MRTFA: variants seen among roughly 807,000 people sequenced by gnomAD.
MRTFA encodes the protein myocardin related transcription factor A.
MRTFA carries 20 observed loss-of-function variants against 83.5 expected under a neutral mutation model. The observed-to-expected ratio is 0.24, with a 90% CI of 0.17 to 0.35. The LOEUF (loss-of-function observed/expected upper bound fraction) is 0.35. Among genes scored for constraint, MRTFA ranks in the 10% least tolerant of loss-of-function variants. The pLI, the probability that MRTFA is intolerant of heterozygous loss-of-function variation, is 1.00. For synonymous variants in MRTFA, 659 were observed against 541.2 expected (o/e 1.22, Z -3.02); for missense variants, 1,200 against 1,224.7 (o/e 0.98, Z 0.30).
chr22:40,584,187 T>C (rs1340757873), intron 2 of MRTFA, among the ~76,000 whole-genome samples: 1 of 152,214 alleles, frequency 6.6e-6, no homozygotes, highest in African/African-American at 2.4e-5. Context: ...ATAGAATTTC[T>C]GAATTTTAGG....
In MRTFA at chr22:40,410,552, A is replaced by C; in HGVS notation, c.*838T>G. The C allele has an allele frequency of 4.3e-6, 1 of 233,356 alleles. No individual in the cohort carries two copies. Among genetic ancestry groups the C allele is most frequent in the Non-Finnish European group, 8.5e-6 (1 of 117,816 alleles). The allele number at this position is 233,356 out of a possible 1,614,324, so 14.5% of individuals were successfully genotyped here. ...GTGGAGAGCTCCTGGCAGGAAGGCC[A>C]GGTAGCACCTCTGCCCTCATGGCAC... On this transcript the variant is annotated 3_prime_UTR_variant, in exon 15 of 15. Coordinates refer to ENST00000355630, the MANE Select transcript of MRTFA (RefSeq NM_020831.6).
At chr22:40,502,167 C>A (rs1602347195) in intron 3 of MRTFA, among the ~76,000 whole-genome samples, 1 of 147,196 alleles carries the variant, frequency 6.8e-6, no homozygotes, top group Middle Eastern at 3.3e-3. Flanking sequence ...GCTGACCCCC[C>A]CCACCTCCCT....
At chr22:40,475,648 T>A (rs1401475821) in intron 3 of MRTFA, among the ~76,000 whole-genome samples, 1 of 152,220 alleles carries the variant, frequency 6.6e-6, no homozygotes, top group Non-Finnish European at 1.5e-5. Context: ...ACTGGCAAAT[T>A]CAAGTCTTAT....
intron 3 of MRTFA, among the ~76,000 whole-genome samples, chr22:40,528,992 CA>C (rs1321090737): frequency 6.6e-6 from 1 of 151,998 alleles, no homozygotes; most frequent in Non-Finnish European, 1.5e-5. Flanking sequence ...TTAAGAGATC[CA>C]AAAAGTAGGT....
chr22:40,576,851 C>A (rs1318038763), intron 2 of MRTFA, among the ~76,000 whole-genome samples: 3 of 152,166 alleles, frequency 2.0e-5, no homozygotes, highest in Non-Finnish European at 2.9e-5. Flanking sequence ...AAGGCCAAGG[C>A]AGAATGATGG....
intron 3 of MRTFA, among the ~76,000 whole-genome samples, chr22:40,543,495 C>T (rs571165388): frequency 2.3e-4 from 35 of 152,324 alleles, no homozygotes; most frequent in African/African-American, 7.7e-4. Context: ...CTTTACATAG[C>T]TCTTCCAATC....
chr22:40,565,501 C>T (rs923694317), intron 2 of MRTFA, among the ~76,000 whole-genome samples: 1 of 152,114 alleles, frequency 6.6e-6, no homozygotes, highest in Non-Finnish European at 1.5e-5. Flanking sequence ...GAGCCAAGAT[C>T]GCACCACTGC....
intron 3 of MRTFA, chr22:40,519,474 C>T: frequency 7.5e-7 from 1 of 1,341,576 alleles, no homozygotes; most frequent in Non-Finnish European, 9.9e-7. Context: ...CAGTGCTGCC[C>T]TCTCTTCTCA....
chr22:40,559,949 C>T (rs112783141), intron 2 of MRTFA, among the ~76,000 whole-genome samples: 75 of 152,274 alleles, frequency 4.9e-4, no homozygotes, highest in African/African-American at 1.8e-3. Flanking sequence ...AAAGAGATCA[C>T]TTAAAATTTA....
intron 1 of MRTFA, among the ~76,000 whole-genome samples, chr22:40,598,546 C>T (rs1322316131): frequency 6.6e-6 from 1 of 152,144 alleles, no homozygotes; most frequent in Non-Finnish European, 1.5e-5. Context: ...AATCTGATTA[C>T]TAGTACAATG....
intron 2 of MRTFA, among the ~76,000 whole-genome samples, chr22:40,575,974 T>C (rs991007955): frequency 6.6e-6 from 1 of 152,028 alleles, no homozygotes; most frequent in Non-Finnish European, 1.5e-5. Context: ...TCAACTGATA[T>C]TTTTGTAGTA....
chr22:40,582,029 T>C (rs1569338798), intron 2 of MRTFA, among the ~76,000 whole-genome samples: 1 of 152,216 alleles, frequency 6.6e-6, no homozygotes, highest in African/African-American at 2.4e-5. Context: ...ACATCTTCTT[T>C]ACCTTAAAAA....
At chr22:40,623,222 T>C (rs1486609695) in intron 1 of MRTFA, among the ~76,000 whole-genome samples, 2 of 152,230 alleles carry the variant, frequency 1.3e-5, no homozygotes, top group African/African-American at 2.4e-5. Context: ...CTCTATTCAT[T>C]GCCCTCCCCT....
intron 3 of MRTFA, among the ~76,000 whole-genome samples, chr22:40,471,467 T>C (rs1394871885): frequency 6.6e-6 from 1 of 151,826 alleles, no homozygotes; most frequent in Non-Finnish European, 1.5e-5. Context: ...TTATTGAAAT[T>C]GAAGAAAGAA....
chr22:40,529,074 C>A (rs944339844), intron 3 of MRTFA, among the ~76,000 whole-genome samples: 2 of 152,090 alleles, frequency 1.3e-5, no homozygotes, highest in African/African-American at 2.4e-5. Context: ...AAATGGGGCA[C>A]CTTCCTTAAA....
chr22:40,606,741 T>G (rs1333233302), intron 1 of MRTFA, among the ~76,000 whole-genome samples: 2 of 152,190 alleles, frequency 1.3e-5, no homozygotes, highest in Non-Finnish European at 2.9e-5. Flanking sequence ...TTTGGAGACA[T>G]CAGACCACCA....
rs79752614 is a variant in MRTFA, at chr22:40,626,560, G to A, written c.-84+9918C>T. ...CTCCCAAAGTACTGGAATTACAGGC[G>A]TGAGCCACCACGCCCAGCCAACCCT... is the stretch of plus-strand genomic sequence containing the variant. On this transcript the variant is annotated intron_variant, in intron 1 of 14. Coordinates refer to ENST00000355630, the MANE Select transcript of MRTFA (RefSeq NM_020831.6). Among the ~76,000 whole-genome samples, 55 of 152,252 alleles carry A rather than the reference G, an allele frequency of 3.6e-4. No homozygotes were observed. The East Asian group carries it at 4.2e-3, about 12-fold the overall frequency.
chr22:40,464,239 T>G (rs1255498057), intron 3 of MRTFA, among the ~76,000 whole-genome samples: 3 of 129,134 alleles, frequency 2.3e-5, no homozygotes, highest in African/African-American at 9.0e-5. Context: ...AGGCGGAGGT[T>G]GCAGTGAGCC....
At chr22:40,629,708 G>A (rs1052031921) in intron 1 of MRTFA, among the ~76,000 whole-genome samples, 7 of 149,602 alleles carry the variant, frequency 4.7e-5, no homozygotes, top group African/African-American at 7.4e-5. Context: ...CCCAGGATGC[G>A]GAGCTTGCAG....
Sources: allele counts gnomAD v4.1 joint callset (sites outside exome capture counted in the v4.1 genomes callset), GRCh38; gene constraint gnomAD v4.1.1; transcripts MANE v1.5; gene names NCBI Gene and HGNC (gene_info 2026-07-23, HGNC 2026-07-21).